The following NCKAP1L variants were observed in gnomAD, a reference collection of about 807,000 sequenced individuals.
The protein encoded by NCKAP1L is NCK associated protein 1 like.
NCKAP1L carries 53 observed loss-of-function variants against 139.2 expected under a neutral mutation model. That is an observed-to-expected ratio of 0.38 (90% CI 0.31 to 0.48). NCKAP1L has a LOEUF of 0.48. Ranked by LOEUF, NCKAP1L falls within the 20% of genes least tolerant of loss-of-function variation. The pLI, the probability that NCKAP1L is intolerant of heterozygous loss-of-function variation, is 0.98. For missense variants in NCKAP1L, 1,151 were observed against 1,381.9 expected (o/e 0.83, Z 2.65); for synonymous variants, 468 against 499.7 (o/e 0.94, Z 0.85).
At chr12:54,521,742 AC>A (rs2120931006) in intron 18 of NCKAP1L, among the ~76,000 whole-genome samples, 1 of 152,114 alleles carries the variant, frequency 6.6e-6, no homozygotes, top group African/African-American at 2.4e-5. Context: ...GACTCTTAGC[AC>A]CTCGTCATAA....
intron 3 of NCKAP1L, among the ~76,000 whole-genome samples, chr12:54,503,285 C>T (rs531340251): frequency 1.3e-5 from 2 of 151,588 alleles, no homozygotes; most frequent in Non-Finnish European, 2.9e-5. Flanking sequence ...AAATAATGAG[C>T]ATGTATTATT....
chr12:54,500,952 T>A (rs1956793253), intron 3 of NCKAP1L: 1 of 180,816 alleles, frequency 5.5e-6, no homozygotes, highest in Non-Finnish European at 1.2e-5. Flanking sequence ...CTATGCATGT[T>A]TTTTCTATTT....
intron 16 of NCKAP1L, among the ~76,000 whole-genome samples, chr12:54,520,217 A>C (rs1956970548): frequency 6.6e-6 from 1 of 152,220 alleles, no homozygotes; most frequent in Non-Finnish European, 1.5e-5. Flanking sequence ...TGCAAATGTA[A>C]GAAAGTGTAA....
Position 54,528,315 on chromosome 12 carries a change from T to C in NCKAP1L, c.2444T>C (p.Phe815Ser). The C allele has an allele frequency of 1.2e-6, 2 of 1,614,050 alleles. No individual in the cohort carries two copies. Among genetic ancestry groups the C allele is most frequent in the Non-Finnish European group, 1.7e-6 (2 of 1,179,960 alleles). ...ATCCTCTCCCCAGCCATGCAGGCCT[T>C]CGTCAGCCTGCCCAGAGAAGGGGAG... ...TIILSPAMQA[F>S]VSLPREGEQN... Residue 815 changes from phenylalanine to serine, a missense_variant, in exon 22 of 31, where the codon TTC (phenylalanine) becomes TCC (serine). Phe to Ser is a radical substitution (Grantham distance 155). Coordinates refer to ENST00000293373, the MANE Select transcript of NCKAP1L (RefSeq NM_005337.5).
At chr12:54,534,909 G>A (rs1957102244) in intron 26 of NCKAP1L, among the ~76,000 whole-genome samples, 195 bp from the exon 27 acceptor site, 2 of 152,108 alleles carry the variant, frequency 1.3e-5, no homozygotes, top group South Asian at 4.2e-4. Context: ...GGCTGAGGTA[G>A]GAGGATTTCT....
rs1366622969 is a variant in NCKAP1L, at chr12:54,526,557, C to A, written c.2186C>A (p.Ala729Asp). Residue 729 changes from alanine to aspartate, a missense_variant, in exon 21 of 31, where the codon GCC becomes GAC. Coordinates refer to ENST00000293373, the MANE Select transcript of NCKAP1L (RefSeq NM_005337.5). ...RAIVWLAGYN[A>D]TTQEIVRPSE... is the part of the protein sequence containing the mutation. ...ATTGTGTGGCTGGCTGGCTACAATG[C>A]CACGACCCAGGAGATCGTACGGCCT... is the stretch of plus-strand genomic sequence containing the variant. 1 of 1,613,814 alleles carries A rather than the reference C, an allele frequency of 6.2e-7. No individual in the cohort carries two copies. The highest frequency in any genetic ancestry group is 8.5e-7 in the Non-Finnish European group (1 of 1,179,966).
intron 2 of NCKAP1L, 146 bp downstream of exon 2, chr12:54,499,611 G>C: frequency 1.7e-6 from 1 of 591,052 alleles, no homozygotes; most frequent in Non-Finnish European, 3.0e-6. Flanking sequence ...CAACCACAGG[G>C]CTTCAGGTTG....
At chr12:54,538,486 G>A (rs1957131005) in intron 29 of NCKAP1L, among the ~76,000 whole-genome samples, 1 of 152,204 alleles carries the variant, frequency 6.6e-6, no homozygotes, top group African/African-American at 2.4e-5. Flanking sequence ...CAAGAGCTGT[G>A]TCTGAATCAG....
At chr12:54,540,295 C>G (rs938495102) in intron 30 of NCKAP1L, among the ~76,000 whole-genome samples, 1 of 152,120 alleles carries the variant, frequency 6.6e-6, no homozygotes, top group South Asian at 2.1e-4. Flanking sequence ...GATATTTATG[C>G]CTTAGTTTCT....
rs112076209 is a variant in NCKAP1L, at chr12:54,542,589, A to G, written c.3288A>G (p.Ser1096=). ...ATCTCTTTCAGGTGGTGGAGGAGTC[A>G]TCCTTCCTGACCCTGGACATGCTGG... is the stretch of plus-strand genomic sequence containing the variant. ...SLLMRLVVEE[S]SFLTLDMLES... Residue 1096 remains serine (S), a synonymous_variant, in exon 31 of 31, where the codon TCA becomes TCG. Coordinates refer to ENST00000293373, the MANE Select transcript of NCKAP1L (RefSeq NM_005337.5). 2.8e-5 allele frequency: 45 copies of G among 1,613,916 alleles called. 1 individual carries two copies. In the African/African-American group the frequency reaches 2.8e-4, roughly 10 times the overall value.
chr12:54,500,376 G>A (rs1385080854), intron 2 of NCKAP1L, among the ~76,000 whole-genome samples, 157 bp from the exon 3 acceptor site: 4 of 152,056 alleles, frequency 2.6e-5, no homozygotes, highest in Admixed American at 2.0e-4. Flanking sequence ...CGCCTGCCTC[G>A]GCCTCCCAAA....
In NCKAP1L at chr12:54,519,548, C is replaced by T. The variant is rs764440216; in HGVS notation, c.1625+216C>T. On this transcript the variant is annotated intron_variant, in intron 16 of 30. Transcript: ENST00000293373. Reference sequence around the variant, plus strand: ...CCTCCTAAGTAGCTGGGATTACAGGCGAGAGCCACCAAGCTCTGAACCAGA... The same window carrying T: ...CCTCCTAAGTAGCTGGGATTACAGGTGAGAGCCACCAAGCTCTGAACCAGA... Among the ~76,000 whole-genome samples the T allele has an allele frequency of 1.3e-5, 2 of 150,728 alleles. No homozygotes were observed. The highest frequency in any genetic ancestry group is 4.9e-5 in the African/African-American group (2 of 40,942).
At chr12:54,538,387 A>G (rs1957129907) in intron 29 of NCKAP1L, among the ~76,000 whole-genome samples, 1 of 152,218 alleles carries the variant, frequency 6.6e-6, no homozygotes, top group Non-Finnish European at 1.5e-5. Context: ...CCTGGGATAC[A>G]ATGAATCATG....
chr12:54,530,493 A>C (rs778777610), intron 22 of NCKAP1L, among the ~76,000 whole-genome samples: 24 of 152,248 alleles, frequency 1.6e-4, no homozygotes, highest in Admixed American at 1.3e-4. Flanking sequence ...TTGATTATGA[A>C]AAAAGAAAAG....
intron 26 of NCKAP1L, among the ~76,000 whole-genome samples, chr12:54,533,117 G>C (rs1957085938): frequency 6.6e-6 from 1 of 152,182 alleles, no homozygotes; most frequent in African/African-American, 2.4e-5. Context: ...GGCAGTGAGG[G>C]GGCAGTGTTT....
intron 3 of NCKAP1L, among the ~76,000 whole-genome samples, chr12:54,501,102 A>G (rs904092754): frequency 6.6e-6 from 1 of 152,204 alleles, no homozygotes; most frequent in African/African-American, 2.4e-5. Flanking sequence ...CCCTTTATGC[A>G]ATAATTCCCC....
In NCKAP1L at chr12:54,523,478, G is replaced by C. The variant is rs761653758; in HGVS notation, c.1963G>C (p.Glu655Gln). ...GCAGAGGCAGACTCCCAGAAAAGGA[G>C]AGCCCGAGAGGGACAAGCCAGGAGC... ...RKQRQTPRKG[E>Q]PERDKPGAES... Residue 655 changes from glutamate to glutamine, a missense_variant, in exon 19 of 31, where the codon GAG (glutamate) becomes CAG (glutamine). Physicochemically the swap from Glu to Gln is conservative, Grantham distance 29. Transcript: ENST00000293373. 177 of 1,614,008 alleles carry C rather than the reference G, an allele frequency of 1.1e-4. 1 individual carries two copies. The highest frequency in any genetic ancestry group is 1.5e-4 in the Non-Finnish European group (173 of 1,180,028).
chr12:54,538,848 GTATAAAAATC>G (rs1375583543), intron 29 of NCKAP1L, 26 bp from the exon 30 acceptor site: 2 of 1,543,050 alleles, frequency 1.3e-6, no homozygotes, highest in East Asian at 4.5e-5. Context: ...ATACTGACCT[GTATAAAAATC>G]TGCTTTACAA....
chr12:54,521,090 G>A, intron 17 of NCKAP1L, 29 bp from the exon 18 acceptor site: 2 of 1,613,592 alleles, frequency 1.2e-6, no homozygotes, highest in South Asian at 1.1e-5. Context: ...GGTGATGACA[G>A]TCTCTTCTTT....
Sources: allele counts gnomAD v4.1 joint callset (sites outside exome capture counted in the v4.1 genomes callset), GRCh38; gene constraint gnomAD v4.1.1; transcripts MANE v1.5; gene names NCBI Gene and HGNC (gene_info 2026-07-23, HGNC 2026-07-21).